Variants in ABCG2 observed in about 807,000 individuals in gnomAD.
ABCG2 encodes the protein broad substrate specificity ATP-binding cassette transporter ABCG2.
ABCG2 carries 80 observed loss-of-function variants against 73.5 expected under a neutral mutation model. The ratio of observed to expected loss-of-function variants is 1.09; its 90% CI spans 0.91 to 1.31. The LOEUF (loss-of-function observed/expected upper bound fraction) is 1.31. Ranked by LOEUF, ABCG2 falls within the 50% of genes most tolerant of loss-of-function variation. The pLI, the probability that ABCG2 is intolerant of heterozygous loss-of-function variation, is 0.00. For missense variants in ABCG2, 796 were observed against 786.2 expected (o/e 1.01, Z -0.15); for synonymous variants, 269 against 282.4 (o/e 0.95, Z 0.48).
chr4:88,197,899 A>G (rs896151980), intron 1 of ABCG2, among the ~76,000 whole-genome samples: 5 of 151,766 alleles, frequency 3.3e-5, no homozygotes, highest in African/African-American at 1.2e-4. Flanking sequence ...GCGTGGTGGC[A>G]TATGCCTATA....
At chr4:88,097,390 T>C in intron 13 of ABCG2, 63 bp downstream of exon 13, 1 of 1,575,848 alleles carries the variant, frequency 6.3e-7, no homozygotes, top group South Asian at 1.2e-5. Flanking sequence ...GACAAGTGAA[T>C]GTGCAGGAAG....
intron 1 of ABCG2, chr4:88,230,954 G>A (rs1420434036): frequency 3.3e-5 from 5 of 152,176 alleles, no homozygotes; most frequent in Admixed American, 6.5e-5. Context: ...GATTTTCTAC[G>A]AAGTATGAAG....
At chr4:88,226,412 A>G (rs1000910452) in intron 1 of ABCG2, among the ~76,000 whole-genome samples, 22 of 152,220 alleles carry the variant, frequency 1.4e-4, no homozygotes, top group African/African-American at 4.6e-4. Flanking sequence ...GGCAACACCT[A>G]CAACCGAAAA....
chr4:88,117,620 G>A (rs1029119704), intron 7 of ABCG2, among the ~76,000 whole-genome samples: 4 of 152,130 alleles, frequency 2.6e-5, no homozygotes, highest in Admixed American at 1.3e-4. Context: ...CTGGGCAATA[G>A]AGCAAGACTC....
At chr4:88,120,324 G>T (rs1324419054) in intron 6 of ABCG2, among the ~76,000 whole-genome samples, 1 of 152,188 alleles carries the variant, frequency 6.6e-6, no homozygotes, top group Non-Finnish European at 1.5e-5. Flanking sequence ...CTGAGGCACT[G>T]CTTAGTGCAG....
intron 7 of ABCG2, among the ~76,000 whole-genome samples, chr4:88,115,377 G>A (rs1047651327): frequency 8.7e-5 from 13 of 148,668 alleles, no homozygotes; most frequent in Non-Finnish European, 1.5e-4. Flanking sequence ...TCTGCCTCCC[G>A]AGTTCAAGTG....
intron 1 of ABCG2, among the ~76,000 whole-genome samples, chr4:88,146,893 G>GAGAA (rs1280776082): frequency 1.7e-5 from 1 of 58,324 alleles, no homozygotes; most frequent in Non-Finnish European, 3.0e-5. Flanking sequence ...AAAGAAAAAG[G>GAGAA]AGAAAGAAGG....
At chr4:88,229,025 G>T (rs1032735039) in intron 1 of ABCG2, among the ~76,000 whole-genome samples, 2 of 152,190 alleles carry the variant, frequency 1.3e-5, no homozygotes, top group Non-Finnish European at 1.5e-5. Context: ...GGGAATAAAA[G>T]CTGGCCACCC....
chr4:88,148,803 T>C (rs1049501093), intron 1 of ABCG2, among the ~76,000 whole-genome samples: 2 of 152,174 alleles, frequency 1.3e-5, no homozygotes, highest in Admixed American at 6.5e-5. Context: ...TTTTCTGACA[T>C]TGTAAAGTGT....
chr4:88,113,171 G>C (rs1429910318), intron 9 of ABCG2, 132 bp downstream of exon 9: 1 of 1,241,642 alleles, frequency 8.1e-7, no homozygotes, highest in East Asian at 2.3e-5. Flanking sequence ...CTGCTGACTG[G>C]TTCTATATCC....
At chr4:88,102,051 C>T (rs1722461523) in intron 10 of ABCG2, among the ~76,000 whole-genome samples, 1 of 152,142 alleles carries the variant, frequency 6.6e-6, no homozygotes, top group South Asian at 2.1e-4. Flanking sequence ...CATGTGGAAG[C>T]AAAATGAAAG....
At chr4:88,192,775 A>C (rs925033897) in intron 1 of ABCG2, among the ~76,000 whole-genome samples, 48 of 150,700 alleles carry the variant, frequency 3.2e-4, no homozygotes, top group African/African-American at 9.8e-4. Flanking sequence ...GCAGTGGCGC[A>C]ATCTCGGCTC....
At chr4:88,132,462 C>G in intron 3 of ABCG2, 114 bp downstream of exon 3, 2 of 1,119,014 alleles carry the variant, frequency 1.8e-6, no homozygotes, top group Non-Finnish European at 1.3e-6. Flanking sequence ...AGAACCAGAC[C>G]TGACATGCGT....
chr4:88,185,990 C>G (rs1728439553), intron 1 of ABCG2, among the ~76,000 whole-genome samples: 1 of 152,092 alleles, frequency 6.6e-6, no homozygotes, highest in Admixed American at 6.5e-5. Context: ...TATGTAAGTA[C>G]CAGGAATCCC....
rs34783571 is a variant in ABCG2 at position 88,092,344 on chromosome 4, C to T, written c.1858G>A (p.Asp620Asn). The part of the protein sequence containing the change: ...GEEYLVKQGI[D>N]LSPWGLWKNH... ...TTCCACAAGCCCCAGGGTGAGAGAT[C>T]GATGCCCTGCTTTACCAAATATTCT... is the stretch of plus-strand genomic sequence containing the variant. The change falls in exon 16 of 16, where the codon GAT (aspartate) becomes AAT (asparagine). Residue 620 changes from aspartate to asparagine, a missense_variant. Physicochemically the swap from Asp to Asn is conservative, Grantham distance 23. Transcript: ENST00000237612. 5.1e-3 allele frequency: 8,175 copies of T among 1,612,956 alleles called. 60 individuals are homozygous for T. Among genetic ancestry groups the T allele is most frequent in the South Asian group, 0.021 (1,943 of 90,608 alleles).
intron 2 of ABCG2, among the ~76,000 whole-genome samples, chr4:88,139,547 C>A (rs1725480310): frequency 6.6e-6 from 1 of 152,200 alleles, no homozygotes; most frequent in Non-Finnish European, 1.5e-5. Context: ...GCCACCATAT[C>A]CAGCCACATG....
rs1722307729 is a variant in ABCG2, at chr4:88,100,317, T to C, written c.1368-869A>G. 2.0e-5 allele frequency among the ~76,000 whole-genome samples: 3 copies of C among 151,716 alleles called. No homozygotes were observed. In the South Asian group the frequency reaches 6.2e-4, roughly 32 times the overall value. ...GAGTTTGAGACCAGCCTGGCCAACA[T>C]GGCGAAACCCCATCTCTACTAAAAA... On this transcript the variant is annotated intron_variant, in intron 11 of 15. Transcript: ENST00000237612.
intron 1 of ABCG2, among the ~76,000 whole-genome samples, chr4:88,154,874 T>A (rs11944119): frequency 0.073 from 10,967 of 149,654 alleles, 411 homozygotes; most frequent in Middle Eastern, 0.11. Flanking sequence ...GTTTGTGATT[T>A]TGAGGGCCTC....
chr4:88,094,933 T>G (rs1721885494), intron 14 of ABCG2, among the ~76,000 whole-genome samples: 1 of 152,152 alleles, frequency 6.6e-6, no homozygotes, highest in African/African-American at 2.4e-5. Flanking sequence ...TTCCTCCTTC[T>G]CTCCCCAATT....
Sources: gnomAD v4.1 joint callset for allele counts (sites outside exome capture counted in the v4.1 genomes callset) on GRCh38, gnomAD v4.1.1 for gene constraint, MANE v1.5 for transcripts, NCBI Gene and HGNC (gene_info 2026-07-23, HGNC 2026-07-21) for gene names.